The following VPS13D variants were observed in gnomAD, a reference collection of about 807,000 sequenced individuals.
The protein encoded by VPS13D is vacuolar protein sorting 13 homolog D.
A neutral mutation model predicts 461.9 loss-of-function variants in VPS13D; 187 were observed. The ratio of observed to expected loss-of-function variants is 0.40; its 90% CI spans 0.36 to 0.46. The LOEUF is 0.46. VPS13D is among the 20% of genes least tolerant of loss of function. The pLI is 0.60. For synonymous variants in VPS13D, 1,951 were observed against 1,986.3 expected (o/e 0.98, Z 0.47); for missense variants, 4,711 against 5,364.9 (o/e 0.88, Z 3.81).
intron 65 of VPS13D, among the ~76,000 whole-genome samples, chr1:12,437,126 C>G (rs1457216308): frequency 6.6e-6 from 1 of 152,110 alleles, no homozygotes; most frequent in Non-Finnish European, 1.5e-5. Context: ...AGAGCTAAAA[C>G]CAAACCAAGT....
intron 67 of VPS13D, among the ~76,000 whole-genome samples, chr1:12,463,075 A>C (rs12076502): frequency 0.037 from 5,655 of 152,284 alleles, 342 homozygotes; most frequent in African/African-American, 0.12. Context: ...GGAAAAAAAA[A>C]AACAACAACA....
intron 56 of VPS13D, among the ~76,000 whole-genome samples, chr1:12,379,260 T>C (rs769433673): frequency 4.6e-4 from 70 of 152,254 alleles, no homozygotes; most frequent in Non-Finnish European, 9.3e-4. Flanking sequence ...ATGAAATCTT[T>C]AATGTCTTAC....
intron 65 of VPS13D, among the ~76,000 whole-genome samples, chr1:12,427,899 T>C (rs576600705): frequency 6.6e-6 from 1 of 152,220 alleles, no homozygotes; most frequent in South Asian, 2.1e-4. Context: ...AGAACAGAGG[T>C]GGAGAAAAAT....
intron 57 of VPS13D, among the ~76,000 whole-genome samples, chr1:12,382,145 G>A (rs1262224410): frequency 2.7e-5 from 4 of 148,878 alleles, no homozygotes; most frequent in East Asian, 2.0e-4. Flanking sequence ...CTTGTTGCCC[G>A]GGCTGGAGTA....
chr1:12,276,823 C>T lies in VPS13D; in HGVS notation c.3235C>T (p.Leu1079Phe). The T allele has an allele frequency of 6.2e-7, 1 of 1,614,162 alleles. No individual in the cohort carries two copies. Among genetic ancestry groups the T allele is most frequent in the African/African-American group, 1.3e-5 (1 of 75,038 alleles). Residue 1079 changes from leucine to phenylalanine, a missense_variant, in exon 19 of 70, where the codon CTT becomes TTT. Leu to Phe is a conservative substitution (Grantham distance 22). Transcript: ENST00000620676. This position sits in a 1 kb window ranked among gnomAD's most constrained non-coding sequence, Gnocchi z 4.5. ...AATTCTTACCAAAGAGCAAGAGTCC[C>T]TTATTAAGTTGGAATATCAGTTTGT... is the stretch of plus-strand genomic sequence containing the variant. ...DKILTKEQES[L>F]IKLEYQFVSS...
At chr1:12,436,505 T>C (rs1480652762) in intron 65 of VPS13D, among the ~76,000 whole-genome samples, 1 of 152,146 alleles carries the variant, frequency 6.6e-6, no homozygotes, top group Non-Finnish European at 1.5e-5. Flanking sequence ...TCATTGTACA[T>C]CCCTTTGTTT....
Position 12,319,645 on chromosome 1 carries a change from T to G in VPS13D, c.7548+15T>G. On this transcript the variant is annotated intron_variant, in intron 32 of 69. Transcript: ENST00000620676. ...TTGGCATTGAGGTAAGAAGTCTATG[T>G]GTTGATCACAGCACTGCGTGTTGGC... is the stretch of plus-strand genomic sequence containing the variant. The G allele has an allele frequency of 1.2e-6, 2 of 1,614,244 alleles. No homozygotes were observed. The highest frequency in any genetic ancestry group is 2.7e-5 in the African/African-American group (2 of 75,076).
chr1:12,267,367 G>T (rs1000397412), intron 14 of VPS13D, among the ~76,000 whole-genome samples: 1 of 151,926 alleles, frequency 6.6e-6, no homozygotes, highest in Non-Finnish European at 1.5e-5. Context: ...TCTCGCCAGG[G>T]TCCCAAAACA....
At position 12,283,888 on chromosome 1, in the gene VPS13D, A is replaced by G. The variant is rs1211463311; in HGVS notation, c.5634+152A>G. The G allele has an allele frequency of 1.6e-5, 14 of 874,190 alleles. No homozygotes were observed. The East Asian group carries it at 3.5e-4, about 22-fold the overall frequency. The allele number at this position is 874,190 out of a possible 1,614,324, so 54.2% of individuals were successfully genotyped here. ...TAGGTGTTTGCTACGAAAGGTAGAC[A>G]TGAATATTTTGGGAAAGGTTTTACT... On this transcript the variant is annotated intron_variant, in intron 21 of 69. Transcript: ENST00000620676.
intron 67 of VPS13D, among the ~76,000 whole-genome samples, chr1:12,482,035 G>T (rs560214206): frequency 2.6e-4 from 40 of 152,354 alleles, no homozygotes; most frequent in Admixed American, 2.2e-3. Flanking sequence ...GTTACTGCAA[G>T]CAAGAGAAGC....
At chr1:12,447,479 A>G (rs1645207711) in intron 65 of VPS13D, among the ~76,000 whole-genome samples, 2 of 152,334 alleles carry the variant, frequency 1.3e-5, no homozygotes, top group East Asian at 1.9e-4. Context: ...GCTGATGCTT[A>G]TGATTCCAGA....
chr1:12,236,773 G>C (rs1224775470), intron 2 of VPS13D, among the ~76,000 whole-genome samples: 2 of 152,138 alleles, frequency 1.3e-5, no homozygotes, highest in Non-Finnish European at 2.9e-5. Flanking sequence ...CAAGGGTATT[G>C]ATTTTTTTAG....
At chr1:12,375,172 T>C (rs1042451817) in intron 55 of VPS13D, among the ~76,000 whole-genome samples, 2 of 152,196 alleles carry the variant, frequency 1.3e-5, no homozygotes, top group African/African-American at 2.4e-5. Context: ...GTCAATCTTA[T>C]ATTTTTCCCT....
intron 60 of VPS13D, among the ~76,000 whole-genome samples, chr1:12,397,842 A>G (rs1298806876): frequency 5.9e-5 from 9 of 152,330 alleles, no homozygotes; most frequent in Admixed American, 4.6e-4. Flanking sequence ...AGAGATGGTC[A>G]CTAGAAACCA....
At chr1:12,297,641 G>A (rs957840554) in intron 24 of VPS13D, among the ~76,000 whole-genome samples, 8 of 152,106 alleles carry the variant, frequency 5.3e-5, no homozygotes, top group East Asian at 3.9e-4. Context: ...TTTTCAAAGT[G>A]CTTTCCTACA....
intron 25 of VPS13D, among the ~76,000 whole-genome samples, chr1:12,302,404 T>G (rs1034618780): frequency 1.3e-5 from 2 of 152,192 alleles, no homozygotes; most frequent in Non-Finnish European, 2.9e-5. Flanking sequence ...ATCAGATATA[T>G]CTATGTATGG....
chr1:12,235,564 A>G (rs1307637175), intron 2 of VPS13D, among the ~76,000 whole-genome samples: 1 of 152,142 alleles, frequency 6.6e-6, no homozygotes, highest in African/African-American at 2.4e-5. Flanking sequence ...AACAAGAGTG[A>G]AACTCCATCG....
At chr1:12,302,972 C>T (rs1380314236) in intron 25 of VPS13D, among the ~76,000 whole-genome samples, 1 of 151,426 alleles carries the variant, frequency 6.6e-6, no homozygotes, top group Non-Finnish European at 1.5e-5. Context: ...GAGTGTGTTG[C>T]TTGTTCAAGT....
At chr1:12,391,254 G>C (rs1644423039) in intron 60 of VPS13D, among the ~76,000 whole-genome samples, 1 of 152,220 alleles carries the variant, frequency 6.6e-6, no homozygotes, top group Non-Finnish European at 1.5e-5. Flanking sequence ...CTAGAAAGGG[G>C]CTGTAGTGCT....
Sources: allele counts gnomAD v4.1 joint callset (sites outside exome capture counted in the v4.1 genomes callset), GRCh38; gene constraint gnomAD v4.1.1; non-coding constraint Gnocchi (gnomAD v3.1); transcripts MANE v1.5; gene names NCBI Gene and HGNC (gene_info 2026-07-23, HGNC 2026-07-21).